DMXL2: variants seen among roughly 807,000 people sequenced by gnomAD.
DMXL2 encodes dmX-like protein 2.
In DMXL2, 103 loss-of-function variants were observed where a neutral mutation model predicts 331.1. The ratio of observed to expected loss-of-function variants is 0.31; its 90% CI spans 0.27 to 0.37. The LOEUF (loss-of-function observed/expected upper bound fraction) is 0.37, where lower values mean the gene tolerates loss of function less well. DMXL2 is among the 10% of genes least tolerant of loss of function. DMXL2 has a pLI of 1.00. For synonymous variants in DMXL2, 1,281 were observed against 1,252.1 expected (o/e 1.02, Z -0.49); for missense variants, 3,171 against 3,642.9 (o/e 0.87, Z 3.33).
In DMXL2 at chr15:51,491,580, T is replaced by C; in HGVS notation, c.4951A>G (p.Lys1651Glu). Residue 1651 changes from lysine to glutamate, a missense_variant and splice_region_variant, in exon 20 of 44, where the codon AAG becomes GAG. Lys to Glu is a moderately conservative substitution (Grantham distance 56). Around this residue, in one of 7 missense-constraint regions of DMXL2, gnomAD observed 252 missense variants for 387.4 expected, o/e 0.65. Coordinates refer to ENST00000560891, the MANE Select transcript of DMXL2 (RefSeq NM_001378457.1). ...NINTLRRCIEKVAKASFQRNN... is the reference protein window; with the variant it reads ...NINTLRRCIEEVAKASFQRNN... ...AAAATCCACTAAAGAAAAGTTACCT[T>C]TTCAATGCATCTTCGAAGCGTGTTA... 6.3e-7 allele frequency: 1 copy of C among 1,592,714 alleles called. No individual in the cohort carries two copies. The highest frequency in any genetic ancestry group is 8.5e-7 in the Non-Finnish European group (1 of 1,173,914).
intron 23 of DMXL2, 101 bp from the exon 24 acceptor site, chr15:51,481,724 G>C: frequency 8.8e-7 from 1 of 1,135,736 alleles, no homozygotes; most frequent in South Asian, 1.8e-5. Context: ...AAAACAACAT[G>C]TAAATATTAA....
In DMXL2 at chr15:51,488,002, T is replaced by A; in HGVS notation, c.5169A>T (p.Gln1723His). 1.2e-6 allele frequency: 2 copies of A among 1,612,736 alleles called. No individual in the cohort carries two copies. Among genetic ancestry groups the A allele is most frequent in the Non-Finnish European group, 1.7e-6 (2 of 1,179,518 alleles). Reference protein sequence around the residue: ...FSLLGKQRFEQSAAFFLLAGS... With the variant: ...FSLLGKQRFEHSAAFFLLAGS... ...CAGCTAGCAAGAAAAAAGCAGCCGATTGTTCAAAGCGTTGTTTTCCAAGTA... is the reference window on the plus strand; with the variant it reads ...CAGCTAGCAAGAAAAAAGCAGCCGAATGTTCAAAGCGTTGTTTTCCAAGTA... Residue 1723 changes from glutamine (Q) to histidine (H), a missense_variant, in exon 22 of 44, where the codon CAA (glutamine) becomes CAT (histidine). Coordinates refer to ENST00000560891, the MANE Select transcript of DMXL2 (RefSeq NM_001378457.1).
At position 51,453,561 on chromosome 15, in the gene DMXL2, G is replaced by C; in HGVS notation, c.8685C>G (p.Ser2895=). ...TTCTGTCAACCTACCTATTGTCATT[G>C]GAGTGTCCAGATGTGGCAACTAGAC... is the stretch of plus-strand genomic sequence containing the variant. ...SSSLVATSGH[S]NDNRNVCLWD... Residue 2895 remains serine (S), a synonymous_variant, in exon 41 of 44, where the codon TCC becomes TCG. Transcript: ENST00000560891. 6.2e-7 allele frequency: 1 copy of C among 1,610,878 alleles called. No homozygotes were observed. The highest frequency in any genetic ancestry group is 8.5e-7 in the Non-Finnish European group (1 of 1,178,514).
chr15:51,595,109 T>G (rs1415349888), intron 1 of DMXL2, among the ~76,000 whole-genome samples: 1 of 152,098 alleles, frequency 6.6e-6, no homozygotes, highest in Non-Finnish European at 1.5e-5. Flanking sequence ...GGTATTCAAT[T>G]AGGAAAAGAG....
At chr15:51,597,232 A>T (rs1318971579) in intron 1 of DMXL2, among the ~76,000 whole-genome samples, 1 of 152,196 alleles carries the variant, frequency 6.6e-6, no homozygotes, top group East Asian at 1.9e-4. Flanking sequence ...CCAAGAAGAG[A>T]AGAGTATTTC....
At chr15:51,501,336 G>T (rs17524813) in intron 17 of DMXL2, among the ~76,000 whole-genome samples, 66,313 of 152,004 alleles carry the variant, frequency 0.44, 15,161 homozygotes, top group Non-Finnish European at 0.5. Context: ...AATTCTGCAA[G>T]TAGATCACTT....
In DMXL2 at chr15:51,499,736, G is replaced by A. The variant is rs770147032; in HGVS notation, c.3488C>T (p.Pro1163Leu). The part of the protein sequence containing the change: ...ALLSKDRYLI[P>L]NIKHLVHLDW... The stretch of plus-strand genomic sequence containing the variant: ...CAAATGTACTAAATGTTTGATATTC[G>A]GAATAAGATATCTATCCTTGCTCAA... Residue 1163 changes from proline to leucine, a missense_variant, in exon 18 of 44, where the codon CCG (proline) becomes CTG (leucine). Physicochemically the swap from Pro to Leu is moderately conservative, Grantham distance 98. Around this residue, in one of 7 missense-constraint regions of DMXL2, gnomAD observed 1,674 missense variants for 1,780.2 expected, o/e 0.94. Coordinates refer to ENST00000560891, the MANE Select transcript of DMXL2 (RefSeq NM_001378457.1). 42 of 1,613,810 alleles carry A rather than the reference G, an allele frequency of 2.6e-5. No homozygotes were observed. The highest frequency in any genetic ancestry group is 3.3e-5 in the Admixed American group (2 of 59,982).
At chr15:51,614,518 A>T (rs1039184668) in intron 1 of DMXL2, among the ~76,000 whole-genome samples, 1 of 152,220 alleles carries the variant, frequency 6.6e-6, no homozygotes, top group Non-Finnish European at 1.5e-5. Context: ...AGGGCAGCAC[A>T]GCTTTACACC....
chr15:51,598,773 A>C (rs1457800088), intron 1 of DMXL2, among the ~76,000 whole-genome samples: 1 of 152,198 alleles, frequency 6.6e-6, no homozygotes, highest in Non-Finnish European at 1.5e-5. Flanking sequence ...AATTTGCCCC[A>C]TCTCTGATGA....
At chr15:51,485,325 C>G (rs2042313984) in intron 23 of DMXL2, among the ~76,000 whole-genome samples, 1 of 152,168 alleles carries the variant, frequency 6.6e-6, no homozygotes, top group Non-Finnish European at 1.5e-5. Context: ...AAGTCAAAGA[C>G]AAGGATCTCC....
chr15:51,555,358 G>A (rs970920888), intron 6 of DMXL2, among the ~76,000 whole-genome samples: 1 of 152,144 alleles, frequency 6.6e-6, no homozygotes. Context: ...AGCCATCAGG[G>A]AGTAGATTGA....
chr15:51,587,248 A>C (rs2051912557), intron 1 of DMXL2, among the ~76,000 whole-genome samples: 1 of 152,190 alleles, frequency 6.6e-6, no homozygotes, highest in South Asian at 2.1e-4. Context: ...TACATGTGCC[A>C]TGTTGGTGTG....
chr15:51,456,045 C>A (rs201262141), intron 39 of DMXL2, 21 bp downstream of exon 39: 1 of 1,612,438 alleles, frequency 6.2e-7, no homozygotes, highest in Admixed American at 1.7e-5. Flanking sequence ...ATGAATTCAG[C>A]AGTAGCCCCC....
chr15:51,540,211 A>G (rs1170097468), intron 9 of DMXL2, among the ~76,000 whole-genome samples: 1 of 152,210 alleles, frequency 6.6e-6, no homozygotes, highest in Non-Finnish European at 1.5e-5. Context: ...TTTTTTGACA[A>G]TTGAGAAAGG....
At chr15:51,552,902 C>T (rs2049310334) in intron 6 of DMXL2, among the ~76,000 whole-genome samples, 1 of 152,222 alleles carries the variant, frequency 6.6e-6, no homozygotes, top group African/African-American at 2.4e-5. Context: ...CACTACACTC[C>T]AGCTTTCTGT....
intron 13 of DMXL2, among the ~76,000 whole-genome samples, chr15:51,521,782 C>T (rs1447076021): frequency 6.6e-6 from 1 of 152,136 alleles, no homozygotes; most frequent in Non-Finnish European, 1.5e-5. Flanking sequence ...GTAGGGACTA[C>T]TTCTATTCAT....
intron 39 of DMXL2, among the ~76,000 whole-genome samples, 176 bp downstream of exon 39, chr15:51,455,890 T>C (rs540555636): frequency 6.6e-6 from 1 of 152,342 alleles, no homozygotes; most frequent in Non-Finnish European, 1.5e-5. Context: ...TACTAAATTT[T>C]GTAGATTTTT....
At position 51,576,160 on chromosome 15, in the gene DMXL2, T is replaced by C. The variant is rs780563747; in HGVS notation, c.109A>G (p.Ile37Val). The C allele has an allele frequency of 9.3e-7, 1 of 1,077,330 alleles. No individual in the cohort carries two copies. Among genetic ancestry groups the C allele is most frequent in the African/African-American group, 2.2e-5 (1 of 45,472 alleles). 66.7% of individuals were successfully genotyped at this position (1,077,330 alleles called of 1,614,324 possible). Residue 37 changes from isoleucine to valine, a missense_variant, in exon 2 of 44, where the codon ATT (isoleucine) becomes GTT (valine). By Grantham distance (29) the Ile-to-Val change is conservative. Transcript: ENST00000560891. ...PFTAYGSGCD[I>V]VILANDFECV... is the part of the protein sequence containing the mutation. ...TCAAAGTCATTTGCCAAAATAACAA[T>C]ATCACAGCCTGATCCATATGCCTAA...
In DMXL2 at chr15:51,481,433, A is replaced by G. The variant is rs1185942170; in HGVS notation, c.5673T>C (p.Ala1891=). Residue 1891 remains alanine, a synonymous_variant, in exon 24 of 44, where the codon GCT becomes GCC. Coordinates refer to ENST00000560891, the MANE Select transcript of DMXL2 (RefSeq NM_001378457.1). ...AAACAGGGCATCCAACTTTAAAATG[A>G]GCATTTGCAGTGGTAAAGAATAATT... The part of the protein sequence containing the change: ...ERKLFFTTAN[A]HFKVGCPVLA... 1 of 1,611,266 alleles carries G rather than the reference A, an allele frequency of 6.2e-7. No homozygotes were observed. Among genetic ancestry groups the G allele is most frequent in the Non-Finnish European group, 8.5e-7 (1 of 1,178,896 alleles).
Sources: allele counts gnomAD v4.1 joint callset (sites outside exome capture counted in the v4.1 genomes callset), GRCh38; gene constraint gnomAD v4.1.1; regional missense constraint gnomAD v4.1.1; transcripts MANE v1.5; gene names NCBI Gene and HGNC (gene_info 2026-07-23, HGNC 2026-07-21).